Variants in SMYD2 observed in about 807,000 individuals in gnomAD.
The protein encoded by SMYD2 is N-lysine methyltransferase SMYD2.
Under a neutral mutation model 59.1 loss-of-function variants are expected in SMYD2, and 53 were observed. That is an observed-to-expected ratio of 0.90 (90% CI 0.72 to 1.13). The LOEUF (loss-of-function observed/expected upper bound fraction) is 1.13, where lower values mean the gene tolerates loss of function less well. Ranked by LOEUF, SMYD2 falls within the 50% of genes most tolerant of loss-of-function variation. SMYD2 has a pLI of 0.00. For missense variants in SMYD2, 494 were observed against 544.7 expected, an observed-to-expected ratio of 0.91 and a Z score of 0.93; for synonymous variants, 208 against 198.8, an observed-to-expected ratio of 1.05 and a Z score of -0.39.
intron 2 of SMYD2, among the ~76,000 whole-genome samples, chr1:214,308,969 A>G (rs143342624): frequency 6.6e-6 from 1 of 152,276 alleles, no homozygotes; most frequent in East Asian, 1.9e-4. Context: ...AGCTGCGTCC[A>G]TTGTTGCCTT....
At chr1:214,327,837 A>T in intron 7 of SMYD2, 113 bp downstream of exon 7, 2 of 858,892 alleles carry the variant, frequency 2.3e-6, no homozygotes, top group Non-Finnish European at 3.8e-6. Flanking sequence ...GAATGCCTCC[A>T]GCAGTTTAGC....
chr1:214,302,498 C>T (rs981506744), intron 1 of SMYD2, among the ~76,000 whole-genome samples: 11 of 152,200 alleles, frequency 7.2e-5, no homozygotes, highest in Non-Finnish European at 1.5e-4. Flanking sequence ...AATTCTGTCT[C>T]TCACCAACTC....
intron 9 of SMYD2, 157 bp downstream of exon 9, chr1:214,331,227 C>T: frequency 1.9e-6 from 2 of 1,037,016 alleles, no homozygotes; most frequent in Admixed American, 2.7e-5. Context: ...TGACCACCCA[C>T]AATGTGGTGT....
At chr1:214,284,783 T>G (rs1028589826) in intron 1 of SMYD2, among the ~76,000 whole-genome samples, 10 of 152,206 alleles carry the variant, frequency 6.6e-5, no homozygotes, top group African/African-American at 2.4e-4. Context: ...CTCAAAGTGC[T>G]AGGATTACAG....
intron 9 of SMYD2, 143 bp downstream of exon 9, chr1:214,331,213 G>A (rs540878565): frequency 1.1e-4 from 126 of 1,168,520 alleles, no homozygotes; most frequent in Admixed American, 2.0e-4. Context: ...GTGTAAAGGC[G>A]TACTGACCAC....
At chr1:214,304,710 A>G (rs1293918039) in intron 1 of SMYD2, among the ~76,000 whole-genome samples, 1 of 152,204 alleles carries the variant, frequency 6.6e-6, no homozygotes, top group African/African-American at 2.4e-5. Flanking sequence ...GTTGTCACTC[A>G]CATGGGATTT....
At chr1:214,327,398 T>C in intron 6 of SMYD2, 1 of 479,876 alleles carries the variant, frequency 2.1e-6, no homozygotes, top group Admixed American at 3.4e-5. Context: ...TAGATAGTAC[T>C]TGAATTGTGG....
rs182241145 is a variant in SMYD2 at position 214,309,065 on chromosome 1, T to C, written c.237+3815T>C. Among the ~76,000 whole-genome samples the C allele has an allele frequency of 2.2e-4, 33 of 152,284 alleles. No individual in the cohort carries two copies. The East Asian group carries it at 4.8e-3, about 22-fold the overall frequency. On this transcript the variant is annotated intron_variant, in intron 2 of 11. Coordinates refer to ENST00000366957, the MANE Select transcript of SMYD2 (RefSeq NM_020197.3). The stretch of plus-strand genomic sequence containing the variant: ...ACATGGAGTAAGGCTTCTTAGGGGA[T>C]CCTAGCCATGGTGTATGTTCTCCCC...
intron 1 of SMYD2, among the ~76,000 whole-genome samples, chr1:214,283,352 G>A (rs1389252167): frequency 1.3e-5 from 2 of 152,076 alleles, no homozygotes; most frequent in Non-Finnish European, 2.9e-5. Context: ...CCCTCACCAG[G>A]GCTGCAACTT....
At chr1:214,329,597 A>T (rs1165457451) in intron 7 of SMYD2, among the ~76,000 whole-genome samples, 1 of 152,198 alleles carries the variant, frequency 6.6e-6, no homozygotes. Flanking sequence ...GCCAGGCCGC[A>T]GCATTCTGGT....
intron 5 of SMYD2, among the ~76,000 whole-genome samples, chr1:214,320,787 G>A (rs1657160903): frequency 6.6e-6 from 1 of 152,194 alleles, no homozygotes; most frequent in South Asian, 2.1e-4. Context: ...CCTTGTAGGT[G>A]AAAAGGTGGC....
At chr1:214,332,222 C>A (rs370968281) in intron 10 of SMYD2, 30 bp downstream of exon 10, 1 of 1,609,276 alleles carries the variant, frequency 6.2e-7, no homozygotes, top group Admixed American at 1.7e-5. Context: ...TAATCATCCA[C>A]GGAGTGGAAT....
chr1:214,327,473 A>G (rs1452054863), intron 6 of SMYD2, 149 bp from the exon 7 acceptor site: 19 of 629,290 alleles, frequency 3.0e-5, no homozygotes, highest in Non-Finnish European at 4.5e-5. Flanking sequence ...ATGCAGAACA[A>G]CCTCTTAGAA....
chr1:214,281,397 G>A lies in SMYD2; in HGVS notation c.143G>A (p.Arg48Gln), dbSNP rs778981979. The A allele has an allele frequency of 1.4e-6, 2 of 1,463,662 alleles. No homozygotes were observed. The highest frequency in any genetic ancestry group is 1.8e-6 in the Non-Finnish European group (2 of 1,102,720). 90.7% of individuals were successfully genotyped at this position (1,463,662 alleles called of 1,614,324 possible). The change falls in exon 1 of 12, where the codon CGG becomes CAG. Residue 48 changes from arginine (R) to glutamine (Q), a missense_variant. Arg to Gln is a conservative substitution (Grantham distance 43). Transcript: ENST00000366957. ...GCCTACGTGCTCACGGTCAACGAGC[G>A]GGGCAACCACTGCGAGTACTGCTTC... ...AYAYVLTVNE[R>Q]GNHCEYCFTR...
intron 1 of SMYD2, among the ~76,000 whole-genome samples, chr1:214,293,330 A>C (rs1214258340): frequency 2.0e-5 from 3 of 152,202 alleles, no homozygotes; most frequent in Non-Finnish European, 4.4e-5. Flanking sequence ...CTGGGATGAT[A>C]GGCATGAGCC....
chr1:214,299,641 C>T (rs1208609922), intron 1 of SMYD2, among the ~76,000 whole-genome samples: 1 of 151,998 alleles, frequency 6.6e-6, no homozygotes, highest in African/African-American at 2.4e-5. Context: ...GACAGACTCT[C>T]TGTTGCCCAG....
intron 2 of SMYD2, among the ~76,000 whole-genome samples, chr1:214,313,477 C>T (rs2102468045): frequency 6.6e-6 from 1 of 151,712 alleles, no homozygotes; most frequent in African/African-American, 2.4e-5. Flanking sequence ...GTAAGGGCTT[C>T]CATCAGTATA....
chr1:214,285,464 A>G (rs1248900050), intron 1 of SMYD2, among the ~76,000 whole-genome samples: 1 of 152,202 alleles, frequency 6.6e-6, no homozygotes, highest in East Asian at 1.9e-4. Flanking sequence ...ATGGCTTCAG[A>G]TGTATTTAAA....
chr1:214,308,389 A>G (rs191726872), intron 2 of SMYD2, among the ~76,000 whole-genome samples: 2 of 152,316 alleles, frequency 1.3e-5, no homozygotes, highest in East Asian at 3.9e-4. Flanking sequence ...AGGTTTAATA[A>G]AAGTAAGTGC....
Sources: allele counts gnomAD v4.1 joint callset (sites outside exome capture counted in the v4.1 genomes callset), GRCh38; gene constraint gnomAD v4.1.1; transcripts MANE v1.5; gene names NCBI Gene and HGNC (gene_info 2026-07-23, HGNC 2026-07-21).